Variants in NPEPPS observed in about 807,000 individuals in gnomAD.
NPEPPS encodes the protein aminopeptidase puromycin sensitive, also known as puromycin-sensitive aminopeptidase.
NPEPPS carries 14 observed loss-of-function variants against 115.5 expected under a neutral mutation model. The observed-to-expected ratio is 0.12, with a 90% confidence interval of 0.08 to 0.19. NPEPPS has a LOEUF of 0.19. Among genes scored for constraint, NPEPPS ranks in the 10% least tolerant of loss-of-function variants. The probability of loss-of-function intolerance (pLI) is 1.00; values close to 1 mark genes in which losing one functional copy is unlikely to be tolerated. For missense variants in NPEPPS, 523 were observed against 1,110.8 expected (o/e 0.47, Z 7.52); for synonymous variants, 285 against 390.6 (o/e 0.73, Z 3.19).
At chr17:47,618,657 C>T (rs2143986438) in intron 20 of NPEPPS, among the ~76,000 whole-genome samples, 200 bp downstream of exon 20, 1 of 152,278 alleles carries the variant, frequency 6.6e-6, no homozygotes, top group South Asian at 2.1e-4. Flanking sequence ...GGAGAGTAAA[C>T]AAATTGTCTC....
intron 15 of NPEPPS, chr17:47,603,445 T>C (rs1913344324): frequency 6.6e-6 from 1 of 152,344 alleles, no homozygotes. Context: ...AGTCAGTAAT[T>C]ACCTCACGCC....
intron 2 of NPEPPS, among the ~76,000 whole-genome samples, chr17:47,567,764 G>A (rs1160331826): frequency 6.6e-6 from 1 of 151,976 alleles, no homozygotes; most frequent in Non-Finnish European, 1.5e-5. Context: ...GCCCTGTTAT[G>A]GACAAATATG....
chr17:47,560,217 A>T (rs1384868696), intron 2 of NPEPPS, among the ~76,000 whole-genome samples: 1 of 146,794 alleles, frequency 6.8e-6, no homozygotes, highest in Non-Finnish European at 1.5e-5. Context: ...AAAGTCCTTT[A>T]AAAAAAAAAA....
In NPEPPS at chr17:47,604,020, C is replaced by T; in HGVS notation, c.1846C>T (p.Leu616Phe). 1 of 1,613,506 alleles carries T rather than the reference C, an allele frequency of 6.2e-7. No homozygotes were observed. The highest frequency in any genetic ancestry group is 8.5e-7 in the Non-Finnish European group (1 of 1,179,610). ...CCTTTCTCTGCCCCCTGTGGATCGACTTGGATTACAGAATGACCTCTTCTC... is the reference window on the plus strand; with the variant it reads ...CCTTTCTCTGCCCCCTGTGGATCGATTTGGATTACAGAATGACCTCTTCTC... ...RDLSLPPVDR[L>F]GLQNDLFSLA... Residue 616 changes from leucine to phenylalanine, a missense_variant, in exon 16 of 23, where the codon CTT (leucine) becomes TTT (phenylalanine). Physicochemically the swap from Leu to Phe is conservative, Grantham distance 22 (BLOSUM62 0). Coordinates refer to ENST00000322157, the MANE Select transcript of NPEPPS (RefSeq NM_006310.4).
intron 5 of NPEPPS, 95 bp downstream of exon 5, chr17:47,582,944 A>G (rs1023234604): frequency 3.4e-6 from 2 of 582,388 alleles, no homozygotes; most frequent in South Asian, 2.2e-5. Flanking sequence ...CACCTACCAC[A>G]GTGCTGGTAT....
At position 47,601,674 on chromosome 17, in the gene NPEPPS, A is replaced by G; in HGVS notation, c.1667A>G (p.Lys556Arg). The G allele has an allele frequency of 8.1e-6, 13 of 1,612,200 alleles. No individual in the cohort carries two copies. The highest frequency in any genetic ancestry group is 1.1e-5 in the Non-Finnish European group (13 of 1,179,434). Residue 556 changes from lysine to arginine, a missense_variant, in exon 15 of 23, where the codon AAA becomes AGA. By Grantham distance (26) the Lys-to-Arg change is conservative. Transcript: ENST00000322157. ...ISTSEDPNQA[K>R]LKILMDKPEM... The stretch of plus-strand genomic sequence containing the variant: ...ACTAGTGAAGACCCCAACCAGGCCA[A>G]ACTAAAAATTCTAATGGACAAGCCA...
At chr17:47,610,829 G>T (rs1913811154) in intron 17 of NPEPPS, among the ~76,000 whole-genome samples, 1 of 147,694 alleles carries the variant, frequency 6.8e-6, no homozygotes, top group African/African-American at 2.5e-5. Flanking sequence ...TGAAATTGCT[G>T]AGTCATATGA....
At chr17:47,595,981 CAAAAAA>C (rs34457526) in intron 12 of NPEPPS, 4 of 38,628 alleles carry the variant, frequency 1.0e-4, no homozygotes, top group South Asian at 1.0e-3. Flanking sequence ...GACTCCATCT[CAAAAAA>C]AAAAAAAAAA....
intron 17 of NPEPPS, among the ~76,000 whole-genome samples, chr17:47,610,382 T>C (rs988598867): frequency 1.3e-5 from 2 of 151,732 alleles, no homozygotes; most frequent in Non-Finnish European, 2.9e-5. Context: ...AGTCTTTCAT[T>C]CCTTTTTTTT....
At chr17:47,615,734 T>C (rs1914162292) in intron 19 of NPEPPS, among the ~76,000 whole-genome samples, 1 of 152,206 alleles carries the variant, frequency 6.6e-6, no homozygotes, top group Non-Finnish European at 1.5e-5. Context: ...GTTCTGTAAA[T>C]TTCATGGCAG....
chr17:47,526,941 G>A (rs2143634468), upstream of NPEPPS, among the ~76,000 whole-genome samples: 1 of 152,054 alleles, frequency 6.6e-6, no homozygotes, highest in South Asian at 2.1e-4. Context: ...CTGGGCGGCA[G>A]AGCGAGACTC....
At chr17:47,568,720 A>G (rs1328780593) in intron 2 of NPEPPS, among the ~76,000 whole-genome samples, 1 of 151,634 alleles carries the variant, frequency 6.6e-6, no homozygotes, top group Non-Finnish European at 1.5e-5. Flanking sequence ...CAATGATGTG[A>G]TCTTGGCTCA....
intron 1 of NPEPPS, among the ~76,000 whole-genome samples, chr17:47,541,824 C>A (rs1908790955): frequency 6.6e-6 from 1 of 152,160 alleles, no homozygotes. Context: ...AGGAATATTG[C>A]TGCTTAAAAG....
At chr17:47,593,741 GCT>G (rs1912658381) in intron 12 of NPEPPS, among the ~76,000 whole-genome samples, 12 of 152,184 alleles carry the variant, frequency 7.9e-5, no homozygotes, top group African/African-American at 2.4e-4. Flanking sequence ...CCCTGTTGCT[GCT>G]AGGCTACAAA....
At position 47,534,806 on chromosome 17, in the gene NPEPPS, T is replaced by G. The variant is rs1346044888; in HGVS notation, c.255+3251T>G. Among the ~76,000 whole-genome samples the G allele has an allele frequency of 2.0e-5, 3 of 151,462 alleles. No homozygotes were observed. In the East Asian group the frequency reaches 6.0e-4, roughly 30 times the overall value. The stretch of plus-strand genomic sequence containing the variant: ...CTGGTCTCGAACTCCTGACCTCAGG[T>G]GATCCCCTTCCCTTGGCCTCCCAAA... On this transcript the variant is annotated intron_variant, in intron 1 of 22. Coordinates refer to ENST00000322157, the MANE Select transcript of NPEPPS (RefSeq NM_006310.4).
chr17:47,599,566 T>G (rs2040049344), intron 13 of NPEPPS, 110 bp from the exon 14 acceptor site: 4 of 776,142 alleles, frequency 5.2e-6, no homozygotes, highest in Non-Finnish European at 4.3e-6. Flanking sequence ...CATTTGGTTG[T>G]GCTCGTTCCA....
intron 2 of NPEPPS, among the ~76,000 whole-genome samples, chr17:47,563,322 A>G (rs963384609): frequency 2.6e-5 from 4 of 151,864 alleles, no homozygotes; most frequent in African/African-American, 4.8e-5. Flanking sequence ...GTGAGCCACC[A>G]TGCCCAGCCT....
intron 19 of NPEPPS, among the ~76,000 whole-genome samples, chr17:47,616,148 A>G (rs1244230195): frequency 6.6e-6 from 1 of 152,278 alleles, no homozygotes; most frequent in African/African-American, 2.4e-5. Context: ...ACATGGGGAA[A>G]CTGAGACCCA....
chr17:47,576,416 C>T (rs1265508628), intron 3 of NPEPPS, among the ~76,000 whole-genome samples: 2 of 152,120 alleles, frequency 1.3e-5, no homozygotes, highest in African/African-American at 2.4e-5. Context: ...TGCTTGAACC[C>T]GGGAGCCGAA....
Sources: allele counts gnomAD v4.1 joint callset (sites outside exome capture counted in the v4.1 genomes callset), GRCh38; gene constraint gnomAD v4.1.1; transcripts MANE v1.5; gene names NCBI Gene and HGNC (gene_info 2026-07-23, HGNC 2026-07-21).